ZFAND6: variants seen among roughly 807,000 people sequenced by gnomAD.
ZFAND6 encodes the protein AN1-type zinc finger protein 6.
A neutral mutation model predicts 24.5 loss-of-function variants in ZFAND6; 12 were observed. That is an observed-to-expected ratio of 0.49 (90% CI 0.31 to 0.79). The LOEUF is 0.79. Among genes scored for constraint, ZFAND6 ranks in the 30% least tolerant of loss-of-function variants. The pLI, the probability that ZFAND6 is intolerant of heterozygous loss-of-function variation, is 0.04. For missense variants in ZFAND6, 207 were observed against 245.9 expected, an observed-to-expected ratio of 0.84 and a Z score of 1.06; for synonymous variants, 92 against 81.5, an observed-to-expected ratio of 1.13 and a Z score of -0.69.
rs576421654 is a variant in ZFAND6, at chr15:80,125,359, ACCATC to A, written c.364+2563_364+2567del. 5.8e-3 allele frequency among the ~76,000 whole-genome samples: 882 copies of A among 152,292 alleles called. 3 individuals carry two copies. The highest frequency in any genetic ancestry group is 9.9e-3 in the Non-Finnish European group (675 of 68,024). Reference sequence around the variant, plus strand: ...AAGGGAAATTTATATAGATAGGAAAACCATCCCAAATGGAAGAAGGTATATGAGTA... The same window carrying A: ...AAGGGAAATTTATATAGATAGGAAAACCAAATGGAAGAAGGTATATGAGTA... On this transcript the variant is annotated intron_variant, in intron 5 of 6. Transcript: ENST00000261749.
At position 80,119,725 on chromosome 15, in the gene ZFAND6, T is replaced by C. The variant is rs574510088; in HGVS notation, c.-17-603T>C. Among the ~76,000 whole-genome samples the C allele has an allele frequency of 4.7e-4, 71 of 152,324 alleles. No individual in the cohort carries two copies. The South Asian group carries it at 0.013, about 27-fold the overall frequency. ...TTTGTTGAAGACCCTTAAAGGGGAATGACTGGTTCAGATAGCAATATTTGT... is the reference window on the plus strand; with the variant it reads ...TTTGTTGAAGACCCTTAAAGGGGAACGACTGGTTCAGATAGCAATATTTGT... On this transcript the variant is annotated intron_variant, in intron 2 of 6. Transcript: ENST00000261749.
intron 1 of ZFAND6, among the ~76,000 whole-genome samples, chr15:80,094,857 C>G (rs759386138): frequency 1.1e-4 from 16 of 152,144 alleles, no homozygotes; most frequent in Non-Finnish European, 2.2e-4. Flanking sequence ...TCACTGCAAC[C>G]TCTGCCTCCC....
intron 5 of ZFAND6, among the ~76,000 whole-genome samples, chr15:80,124,852 A>G (rs558397422): frequency 5.6e-4 from 86 of 152,340 alleles, no homozygotes; most frequent in African/African-American, 2.0e-3. Flanking sequence ...GAGGAGGGTT[A>G]GGTTCCAGTA....
At chr15:80,103,878 T>C (rs1437387037) in intron 2 of ZFAND6, among the ~76,000 whole-genome samples, 1 of 152,158 alleles carries the variant, frequency 6.6e-6, no homozygotes, top group African/African-American at 2.4e-5. Flanking sequence ...AACAAGAGTC[T>C]TGCTCTGTCA....
chr15:80,135,746 G>A (rs1285695228), intron 6 of ZFAND6, among the ~76,000 whole-genome samples: 1 of 151,772 alleles, frequency 6.6e-6, no homozygotes, highest in Admixed American at 6.6e-5. Context: ...ACCAGCCTGG[G>A]CAACATAATG....
chr15:80,100,419 A>T (rs117297551), intron 2 of ZFAND6, among the ~76,000 whole-genome samples: 1 of 152,168 alleles, frequency 6.6e-6, no homozygotes, highest in Non-Finnish European at 1.5e-5. Flanking sequence ...AGTTGCTTTT[A>T]TCACTGTAGA....
chr15:80,088,749 C>G (rs548407386), intron 1 of ZFAND6, among the ~76,000 whole-genome samples: 24 of 152,136 alleles, frequency 1.6e-4, no homozygotes, highest in African/African-American at 5.1e-4. Flanking sequence ...AATTCTGTTA[C>G]GTGTGCTGTA....
At chr15:80,119,573 A>G (rs1015427799) in intron 2 of ZFAND6, among the ~76,000 whole-genome samples, 3 of 109,770 alleles carry the variant, frequency 2.7e-5, no homozygotes, top group Non-Finnish European at 4.2e-5. Flanking sequence ...TCATTTATAT[A>G]TCATGCTTTT....
intron 1 of ZFAND6, 143 bp downstream of exon 1, chr15:80,059,952 C>G (rs2036228867): frequency 6.6e-6 from 1 of 151,020 alleles, no homozygotes; most frequent in Non-Finnish European, 1.5e-5. Context: ...GGGCGGCCGG[C>G]CGGCGCAGCA....
intron 2 of ZFAND6, among the ~76,000 whole-genome samples, chr15:80,107,345 A>T (rs7168791): frequency 1.3e-5 from 2 of 151,996 alleles, no homozygotes. Flanking sequence ...TAGTCATTAC[A>T]TAATGACATC....
rs776213909 is a variant in ZFAND6 at position 80,113,000 on chromosome 15, C to T, written c.-17-7328C>T. 31 of 384,740 alleles carry T rather than the reference C, an allele frequency of 8.1e-5. 1 individual carries two copies. The Middle Eastern group carries it at 2.4e-3, about 30-fold the overall frequency. The allele number at this position is 384,740 out of a possible 1,614,324, so 23.8% of individuals were successfully genotyped here. ...AGTTTTCCAGTGATTTGAAAAAAGG[C>T]GGAGTGTGACAGGAGCTCGTCTTAC... On this transcript the variant is annotated intron_variant, in intron 2 of 6. Transcript: ENST00000261749.
intron 1 of ZFAND6, chr15:80,060,870 A>C (rs1377528540): frequency 2.0e-5 from 3 of 152,242 alleles, no homozygotes; most frequent in African/African-American, 7.2e-5. Flanking sequence ...GCAGTGAACC[A>C]AGATCGCGCT....
chr15:80,125,850 G>C (rs1164569293), intron 5 of ZFAND6, among the ~76,000 whole-genome samples: 2 of 152,094 alleles, frequency 1.3e-5, no homozygotes, highest in Admixed American at 6.5e-5. Context: ...ACTTCACTGA[G>C]CCTTACTTTC....
intron 2 of ZFAND6, among the ~76,000 whole-genome samples, chr15:80,102,795 A>G (rs912914710): frequency 1.8e-4 from 28 of 152,178 alleles, no homozygotes; most frequent in African/African-American, 6.5e-4. Context: ...ATACCAAAGG[A>G]TAGGAACAAG....
intron 2 of ZFAND6, among the ~76,000 whole-genome samples, chr15:80,119,844 C>T (rs573640889): frequency 1.3e-5 from 2 of 152,282 alleles, no homozygotes; most frequent in South Asian, 4.1e-4. Context: ...CCCAGTTCTC[C>T]ATATCTTCAC....
chr15:80,074,419 C>T (rs972079412), intron 1 of ZFAND6, among the ~76,000 whole-genome samples: 1 of 151,600 alleles, frequency 6.6e-6, no homozygotes, highest in Admixed American at 6.6e-5. Context: ...TATTTTCTTT[C>T]AAGAAAATAT....
At chr15:80,088,834 G>C (rs2038163366) in intron 1 of ZFAND6, among the ~76,000 whole-genome samples, 1 of 152,150 alleles carries the variant, frequency 6.6e-6, no homozygotes, top group Admixed American at 6.5e-5. Flanking sequence ...AGTTGCACTA[G>C]CTCCATTCCA....
At chr15:80,123,490 T>TAATGA (rs1488345016) in intron 5 of ZFAND6, among the ~76,000 whole-genome samples, 1 of 152,214 alleles carries the variant, frequency 6.6e-6, no homozygotes, top group Non-Finnish European at 1.5e-5. Flanking sequence ...AAGATAAGCC[T>TAATGA]AATGAAGAGC....
At chr15:80,120,102 C>T (rs1459559958) in intron 2 of ZFAND6, among the ~76,000 whole-genome samples, 2 of 152,166 alleles carry the variant, frequency 1.3e-5, no homozygotes, top group African/African-American at 4.8e-5. Flanking sequence ...CTTTCTGAGC[C>T]TGTACAGACT....
Sources: allele counts gnomAD v4.1 joint callset (sites outside exome capture counted in the v4.1 genomes callset), GRCh38; gene constraint gnomAD v4.1.1; transcripts MANE v1.5; gene names NCBI Gene and HGNC (gene_info 2026-07-23, HGNC 2026-07-21).